Variants in VWC2L observed in about 807,000 individuals in gnomAD.
The protein encoded by VWC2L is von Willebrand factor C domain containing 2 like.
Under a neutral mutation model 21.6 loss-of-function variants are expected in VWC2L, and 10 were observed. The observed-to-expected ratio is 0.46, with a 90% CI of 0.29 to 0.78. The LOEUF (loss-of-function observed/expected upper bound fraction) is 0.78, where lower values mean the gene tolerates loss of function less well. VWC2L is among the 30% of genes least tolerant of loss of function. VWC2L has a pLI of 0.10. For synonymous variants in VWC2L, 96 were observed against 94.3 expected (o/e 1.02, Z -0.10); for missense variants, 209 against 277.1 (o/e 0.75, Z 1.74).
In VWC2L at chr2:214,577,714, A is replaced by G. The variant is rs1335828697; in HGVS notation, c.*1894A>G. Reference sequence around the variant, plus strand: ...AAACATATTTTTTTGAGTCTTGTCAACTGGTTTTTCATTTAAAATTGTCAG... The same window carrying G: ...AAACATATTTTTTTGAGTCTTGTCAGCTGGTTTTTCATTTAAAATTGTCAG... On this transcript the variant is annotated 3_prime_UTR_variant, in exon 4 of 4. Coordinates refer to ENST00000312504, the MANE Select transcript of VWC2L (RefSeq NM_001080500.4). 1 of 152,170 alleles carries G rather than the reference A, an allele frequency of 6.6e-6. No individual in the cohort carries two copies. The highest frequency in any genetic ancestry group is 1.5e-5 in the Non-Finnish European group (1 of 68,028). 9.4% of individuals were successfully genotyped at this position (152,170 alleles called of 1,614,324 possible).
chr2:214,567,975 G>T (rs150800276), intron 3 of VWC2L, among the ~76,000 whole-genome samples: 1 of 152,118 alleles, frequency 6.6e-6, no homozygotes, highest in Non-Finnish European at 1.5e-5. Flanking sequence ...AGAGAAAACT[G>T]GGGAGTCAGG....
chr2:214,431,949 T>C (rs1411953512), intron 2 of VWC2L, among the ~76,000 whole-genome samples: 1 of 152,208 alleles, frequency 6.6e-6, no homozygotes, highest in Non-Finnish European at 1.5e-5. Flanking sequence ...TGATGAATAT[T>C]ATGAATTTAA....
At chr2:214,422,465 C>T (rs531976812) in intron 2 of VWC2L, among the ~76,000 whole-genome samples, 1 of 152,262 alleles carries the variant, frequency 6.6e-6, no homozygotes, top group African/African-American at 2.4e-5. Flanking sequence ...ACATCAGGCA[C>T]TGTGTTTTAT....
chr2:214,436,478 C>G, intron 2 of VWC2L, 151 bp from the exon 3 acceptor site: 3 of 1,059,956 alleles, frequency 2.8e-6, no homozygotes, highest in Non-Finnish European at 3.9e-6. Flanking sequence ...AACTTGCCTT[C>G]CACCAAGGGA....
intron 3 of VWC2L, among the ~76,000 whole-genome samples, chr2:214,526,242 G>A (rs1460325925): frequency 6.6e-6 from 1 of 151,842 alleles, no homozygotes; most frequent in Non-Finnish European, 1.5e-5. Context: ...AGGGGGAAAA[G>A]TTACATATTT....
intron 3 of VWC2L, among the ~76,000 whole-genome samples, chr2:214,440,159 C>A (rs1402445864): frequency 6.6e-6 from 1 of 151,632 alleles, no homozygotes; most frequent in East Asian, 1.9e-4. Context: ...AACAGTCTAT[C>A]GATTTAGCCT....
intron 3 of VWC2L, among the ~76,000 whole-genome samples, chr2:214,441,842 C>T (rs909949129): frequency 6.6e-6 from 1 of 150,872 alleles, no homozygotes; most frequent in African/African-American, 2.4e-5. Context: ...CTAATGTGTA[C>T]ATTTTATGTT....
At position 214,454,627 on chromosome 2, in the gene VWC2L, G is replaced by A. The variant is rs1236939293; in HGVS notation, c.520+17869G>A. On this transcript the variant is annotated intron_variant, in intron 3 of 3. Transcript: ENST00000312504. ...TTTTTTTTTTTTTTTTTTTTGAGAT[G>A]GAGTCTCACTCTGTTGCCTAGGCTG... is the stretch of plus-strand genomic sequence containing the variant. Among the ~76,000 whole-genome samples the A allele has an allele frequency of 1.0e-4, 10 of 95,354 alleles. No individual in the cohort carries two copies. In the East Asian group the frequency reaches 3.7e-3, roughly 35 times the overall value. 62.6% of individuals were successfully genotyped at this position (95,354 alleles called of 152,430 possible).
At chr2:214,432,649 A>G (rs1702616876) in intron 2 of VWC2L, among the ~76,000 whole-genome samples, 1 of 152,214 alleles carries the variant, frequency 6.6e-6, no homozygotes, top group Non-Finnish European at 1.5e-5. Flanking sequence ...ATTTTGCTCT[A>G]TTAACTATAC....
rs749200571 is a variant in VWC2L at position 214,414,515 on chromosome 2, G to A, written c.322G>A (p.Glu108Lys). ...TKVEHNGCCP[E>K]CKEVKNFCEY... ...AGTGGAACACAATGGATGCTGTCCT[G>A]AGTGCAAAGAAGTAAAAAACTTCTG... The change falls in exon 2 of 4, where the codon GAG becomes AAG. Residue 108 changes from glutamate to lysine, a missense_variant. Physicochemically the swap from Glu to Lys is moderately conservative, Grantham distance 56. Coordinates refer to ENST00000312504, the MANE Select transcript of VWC2L (RefSeq NM_001080500.4). 2 of 1,612,398 alleles carry A rather than the reference G, an allele frequency of 1.2e-6. No individual in the cohort carries two copies. Among genetic ancestry groups the A allele is most frequent in the Non-Finnish European group, 1.7e-6 (2 of 1,179,466 alleles).
chr2:214,414,673 T>G, intron 2 of VWC2L, 90 bp downstream of exon 2: 4 of 1,403,494 alleles, frequency 2.9e-6, no homozygotes, highest in South Asian at 2.7e-5. Flanking sequence ...GTTGGAAAAA[T>G]GTACTTTAAA....
intron 3 of VWC2L, among the ~76,000 whole-genome samples, chr2:214,441,492 T>C (rs1702762612): frequency 2.0e-5 from 3 of 152,116 alleles, no homozygotes; most frequent in Admixed American, 1.3e-4. Flanking sequence ...TAATGTGGGA[T>C]TGATGGTGCC....
chr2:214,464,311 T>C (rs1391029787), intron 3 of VWC2L, among the ~76,000 whole-genome samples: 1 of 152,174 alleles, frequency 6.6e-6, no homozygotes, highest in Non-Finnish European at 1.5e-5. Context: ...GTTTTCCAAC[T>C]ATTCAAAGGG....
intron 3 of VWC2L, among the ~76,000 whole-genome samples, chr2:214,530,642 A>C (rs1689418806): frequency 6.6e-6 from 1 of 152,144 alleles, no homozygotes; most frequent in Admixed American, 6.6e-5. Context: ...GAGAGGATAG[A>C]AAAGAAAAAT....
At chr2:214,462,030 C>A (rs1291613411) in intron 3 of VWC2L, among the ~76,000 whole-genome samples, 1 of 152,166 alleles carries the variant, frequency 6.6e-6, no homozygotes, top group Non-Finnish European at 1.5e-5. Context: ...CTGTAGCCCT[C>A]TGTGTAGACA....
Position 214,481,307 on chromosome 2 carries a change from T to C in VWC2L, c.520+44549T>C, listed in dbSNP as rs181291734. ...GATCTTACAGCTTCTGTTTTCATCA[T>C]CTTGCAACACTCCTACCATTATGTA... On this transcript the variant is annotated intron_variant, in intron 3 of 3. Transcript: ENST00000312504. Among the ~76,000 whole-genome samples, 838 of 152,290 alleles carry C rather than the reference T, an allele frequency of 5.5e-3. 7 individuals carry two copies. The highest frequency in any genetic ancestry group is 8.8e-3 in the Non-Finnish European group (601 of 68,012).
intron 3 of VWC2L, among the ~76,000 whole-genome samples, chr2:214,499,511 GGGAGGGGT>G: frequency 7.4e-6 from 1 of 135,390 alleles, no homozygotes; most frequent in Non-Finnish European, 1.6e-5. Flanking sequence ...GTGGGGTGGG[GGGAGGGGT>G]GGAGGGATAG....
chr2:214,457,816 C>T (rs1703079125), intron 3 of VWC2L, among the ~76,000 whole-genome samples: 1 of 152,096 alleles, frequency 6.6e-6, no homozygotes, highest in Non-Finnish European at 1.5e-5. Flanking sequence ...GAAGAAATCT[C>T]ACTTGATCAT....
At chr2:214,430,496 C>T (rs11681258) in intron 2 of VWC2L, among the ~76,000 whole-genome samples, 24,364 of 152,060 alleles carry the variant, frequency 0.16, 2,027 homozygotes, top group East Asian at 0.25. Flanking sequence ...ACCTTATATA[C>T]ACTACTTTGT....
Sources: allele counts gnomAD v4.1 joint callset (sites outside exome capture counted in the v4.1 genomes callset), GRCh38; gene constraint gnomAD v4.1.1; transcripts MANE v1.5; gene names NCBI Gene and HGNC (gene_info 2026-07-23, HGNC 2026-07-21).